Variants in PTPRT observed in about 807,000 individuals in gnomAD.
PTPRT encodes the protein protein tyrosine phosphatase receptor type T.
A neutral mutation model predicts 176.8 loss-of-function variants in PTPRT; 56 were observed. The observed-to-expected ratio is 0.32, with a 90% CI of 0.26 to 0.40. PTPRT has a LOEUF of 0.40. Ranked by LOEUF, PTPRT falls within the 10% of genes least tolerant of loss-of-function variation. The pLI is 1.00. For missense variants in PTPRT, 1,540 were observed against 1,908.2 expected (o/e 0.81, Z 3.60); for synonymous variants, 783 against 739.0 (o/e 1.06, Z -0.96).
At chr20:42,585,151 G>C (rs115086117) in intron 7 of PTPRT, among the ~76,000 whole-genome samples, 1 of 152,002 alleles carries the variant, frequency 6.6e-6, no homozygotes, top group African/African-American at 2.4e-5. Flanking sequence ...CTTGTTCCAC[G>C]TGCTTATTGG....
intron 17 of PTPRT, among the ~76,000 whole-genome samples, chr20:42,151,562 G>A (rs1008444872): frequency 3.9e-5 from 6 of 152,190 alleles, no homozygotes; most frequent in African/African-American, 1.2e-4. Context: ...GGGCATTTGG[G>A]TTGGTTCCAA....
intron 1 of PTPRT, among the ~76,000 whole-genome samples, chr20:43,129,860 C>T (rs887064190): frequency 6.6e-6 from 1 of 151,824 alleles, no homozygotes; most frequent in African/African-American, 2.4e-5. Flanking sequence ...CCTCGTGATC[C>T]GCCCGCCTCG....
At chr20:42,217,324 G>A (rs1008680221) in intron 15 of PTPRT, among the ~76,000 whole-genome samples, 29 of 149,650 alleles carry the variant, frequency 1.9e-4, no homozygotes, top group Non-Finnish European at 3.6e-4. Flanking sequence ...GGAGTGAGCC[G>A]AGATCACACC....
At chr20:42,833,812 A>G (rs2078134329) in intron 2 of PTPRT, among the ~76,000 whole-genome samples, 1 of 152,198 alleles carries the variant, frequency 6.6e-6, no homozygotes, top group Admixed American at 6.5e-5. Flanking sequence ...AGACATTCAC[A>G]CGGAGCGGGG....
chr20:42,354,877 C>A (rs2058336442), intron 9 of PTPRT, among the ~76,000 whole-genome samples: 1 of 151,932 alleles, frequency 6.6e-6, no homozygotes, highest in Admixed American at 6.6e-5. Flanking sequence ...AGACGGTGCC[C>A]AGAGCAGAGT....
chr20:42,957,898 T>C (rs1046043506), intron 1 of PTPRT, among the ~76,000 whole-genome samples: 2 of 152,058 alleles, frequency 1.3e-5, no homozygotes, highest in Non-Finnish European at 2.9e-5. Context: ...GTGCAGAATG[T>C]CTGCTTTAAT....
chr20:42,778,138 C>T (rs1237912032), intron 4 of PTPRT, among the ~76,000 whole-genome samples: 2 of 152,124 alleles, frequency 1.3e-5, no homozygotes, highest in African/African-American at 4.8e-5. Flanking sequence ...CCCAGTGAAA[C>T]GAGAATTTCA....
intron 11 of PTPRT, among the ~76,000 whole-genome samples, chr20:42,347,883 T>G (rs145665329): frequency 4.1e-4 from 62 of 152,338 alleles, no homozygotes; most frequent in African/African-American, 1.4e-3. Context: ...AGTGACACTT[T>G]TTTTGCTAAT....
chr20:42,583,725 T>C (rs2073420674), intron 7 of PTPRT, among the ~76,000 whole-genome samples: 1 of 152,248 alleles, frequency 6.6e-6, no homozygotes, highest in Non-Finnish European at 1.5e-5. Flanking sequence ...TTCTATTATG[T>C]AAATGTAAAT....
At chr20:42,573,665 G>C (rs745948231) in intron 7 of PTPRT, among the ~76,000 whole-genome samples, 1 of 151,826 alleles carries the variant, frequency 6.6e-6, no homozygotes, top group Non-Finnish European at 1.5e-5. Flanking sequence ...ACTTATCAGA[G>C]CAGGTTCTCC....
At chr20:42,107,104 A>C (rs1304236436) in intron 23 of PTPRT, among the ~76,000 whole-genome samples, 183 bp from the exon 24 acceptor site, 1 of 152,220 alleles carries the variant, frequency 6.6e-6, no homozygotes, top group Non-Finnish European at 1.5e-5. Flanking sequence ...TATACATGCC[A>C]TTGCCTTGTC....
intron 1 of PTPRT, among the ~76,000 whole-genome samples, chr20:42,933,501 T>C (rs902779571): frequency 1.3e-5 from 2 of 152,204 alleles, no homozygotes; most frequent in Non-Finnish European, 2.9e-5. Flanking sequence ...GGGCACAAAG[T>C]AGGCATACAG....
chr20:42,063,989 G>A, the PTPRT span: 1 of 151,726 alleles, frequency 6.6e-6, no homozygotes, highest in Non-Finnish European at 1.5e-5. Flanking sequence ...AAAAAACTTT[G>A]CTTTGGTGAT....
rs552700484 is a variant in PTPRT, at chr20:42,308,314, G to A, written c.2139+7409C>T. On this transcript the variant is annotated intron_variant, in intron 12 of 30. Transcript: ENST00000373187. ...GAATCCTCTCTTGGGGTCTGGATCC[G>A]GACCCCTTTCCAGTGACAAAACCAT... Among the ~76,000 whole-genome samples, 38 of 152,056 alleles carry A rather than the reference G, an allele frequency of 2.5e-4. No individual in the cohort carries two copies. The South Asian group carries it at 3.5e-3, about 14-fold the overall frequency.
intron 15 of PTPRT, among the ~76,000 whole-genome samples, chr20:42,212,664 G>T (rs146888565): frequency 5.9e-5 from 9 of 152,244 alleles, no homozygotes; most frequent in African/African-American, 1.7e-4. Flanking sequence ...ACACGGATTA[G>T]AGTAGTACTT....
intron 1 of PTPRT, among the ~76,000 whole-genome samples, chr20:43,188,229 G>A (rs1200137920): frequency 6.6e-6 from 1 of 151,940 alleles, no homozygotes; most frequent in Non-Finnish European, 1.5e-5. Context: ...AACAAGAATT[G>A]TGCACCATCT....
intron 15 of PTPRT, among the ~76,000 whole-genome samples, chr20:42,208,172 C>A (rs2055522427): frequency 8.6e-6 from 1 of 116,040 alleles, no homozygotes; most frequent in Non-Finnish European, 1.8e-5. Flanking sequence ...CAACCGGTAC[C>A]AGCTGCTGCA....
At chr20:42,866,336 G>A (rs760919852) in intron 2 of PTPRT, among the ~76,000 whole-genome samples, 4 of 152,114 alleles carry the variant, frequency 2.6e-5, no homozygotes, top group Non-Finnish European at 5.9e-5. Context: ...ACGTGGCTTG[G>A]CTAGAGTCAC....
chr20:42,579,031 T>G (rs1159745233), intron 7 of PTPRT, among the ~76,000 whole-genome samples: 1 of 151,532 alleles, frequency 6.6e-6, no homozygotes, highest in Non-Finnish European at 1.5e-5. Flanking sequence ...TAACATTAGG[T>G]ATATCTTTTA....
Sources: gnomAD v4.1 joint callset for allele counts (sites outside exome capture counted in the v4.1 genomes callset) on GRCh38, gnomAD v4.1.1 for gene constraint, MANE v1.5 for transcripts, NCBI Gene and HGNC (gene_info 2026-07-23, HGNC 2026-07-21) for gene names.